The following SYNE2 variants were observed in gnomAD, a reference collection of about 807,000 sequenced individuals.
SYNE2 encodes the protein nesprin-2.
In SYNE2, 431 loss-of-function variants were observed where a neutral mutation model predicts 856.3. That is an observed-to-expected ratio of 0.50 (90% CI 0.47 to 0.55). SYNE2 has a LOEUF of 0.55. Among genes scored for constraint, SYNE2 ranks in the 20% least tolerant of loss-of-function variants. SYNE2 has a pLI of 0.00. For missense variants in SYNE2, 8,129 were observed against 8,023.2 expected (o/e 1.01, Z -0.50); for synonymous variants, 2,923 against 2,872.3 (o/e 1.02, Z -0.56).
chr14:64,166,585 G>A (rs1260440537), intron 90 of SYNE2, among the ~76,000 whole-genome samples: 1 of 152,204 alleles, frequency 6.6e-6, no homozygotes, highest in Non-Finnish European at 1.5e-5. Context: ...TGCTTGACCT[G>A]TTTGTTGAAG....
At chr14:64,103,149 G>T (rs190890195) in intron 64 of SYNE2, among the ~76,000 whole-genome samples, 60 of 152,254 alleles carry the variant, frequency 3.9e-4, no homozygotes, top group Middle Eastern at 6.8e-3. Context: ...GCCTTAATGA[G>T]CACCTGCTTG....
chr14:64,191,463 G>A (rs553188268), intron 99 of SYNE2, among the ~76,000 whole-genome samples: 125 of 152,254 alleles, frequency 8.2e-4, no homozygotes, highest in African/African-American at 3.0e-3. Flanking sequence ...GAGGGATTGC[G>A]GTTACTGGTG....
At position 64,165,223 on chromosome 14, in the gene SYNE2, T is replaced by A. The variant is rs1461745551; in HGVS notation, c.16480-62T>A. ...GAATTTTTAGCAGCTCCCAAGCCTG[T>A]GTTTAATTCTGTTTTATATGTACAT... is the stretch of plus-strand genomic sequence containing the variant. On this transcript the variant is annotated intron_variant, in intron 89 of 115. Transcript: ENST00000555002. The A allele has an allele frequency of 3.9e-6, 6 of 1,556,342 alleles. No homozygotes were observed. In the Admixed American group the frequency reaches 6.7e-5, roughly 17 times the overall value.
intron 2 of SYNE2, among the ~76,000 whole-genome samples, chr14:63,921,953 T>A (rs1028797727): frequency 6.6e-5 from 10 of 152,210 alleles, no homozygotes; most frequent in Non-Finnish European, 1.3e-4. Flanking sequence ...CCACCAGATG[T>A]GAGATCCAGA....
At chr14:63,881,761 G>A (rs1389987774) in intron 1 of SYNE2, among the ~76,000 whole-genome samples, 2 of 151,978 alleles carry the variant, frequency 1.3e-5, no homozygotes, top group Admixed American at 1.3e-4. Context: ...AACACCACTC[G>A]AAGAAACACA....
At position 64,225,765 on chromosome 14, in the gene SYNE2, A is replaced by ATTAGT. The variant is rs924923326; in HGVS notation, c.*244_*248dup. 1.0e-5 allele frequency: 6 copies of ATTAGT among 602,526 alleles called. No homozygotes were observed. The highest frequency in any genetic ancestry group is 7.4e-5 in the African/African-American group (4 of 54,036). 37.3% of individuals were successfully genotyped at this position (602,526 alleles called of 1,614,324 possible). A position where few individuals can be genotyped will look rare whatever the true frequency, so the allele number is the denominator to read the frequency against. ...CCGGGTATTTTGGCAGAACTAGTTG[A>ATTAGT]TTAGTTTAGGGATCTCTGGAAATGT... On this transcript the variant is annotated 3_prime_UTR_variant, in exon 116 of 116. Coordinates refer to ENST00000555002, the MANE Select transcript of SYNE2 (RefSeq NM_182914.3).
At chr14:64,055,337 G>C (rs1237078480) in intron 48 of SYNE2, among the ~76,000 whole-genome samples, 1 of 149,492 alleles carries the variant, frequency 6.7e-6, no homozygotes, top group Non-Finnish European at 1.5e-5. Flanking sequence ...TTTGAATTTA[G>C]ATTATTTTTC....
intron 1 of SYNE2, among the ~76,000 whole-genome samples, chr14:63,867,847 T>C (rs2140312655): frequency 6.6e-6 from 1 of 152,254 alleles, no homozygotes; most frequent in Non-Finnish European, 1.5e-5. Flanking sequence ...CACTTAAATC[T>C]GGGAGTTCAA....
chr14:64,002,102 A>G (rs1365034034), intron 29 of SYNE2, 21 bp downstream of exon 29: 2 of 1,572,088 alleles, frequency 1.3e-6, no homozygotes, highest in Admixed American at 1.7e-5. Flanking sequence ...AAGTTCTCAC[A>G]GTGTATTTAC....
At chr14:63,922,067 G>A (rs991206973) in intron 2 of SYNE2, among the ~76,000 whole-genome samples, 3 of 152,126 alleles carry the variant, frequency 2.0e-5, no homozygotes, top group Non-Finnish European at 2.9e-5. Context: ...ACAGTGGCAC[G>A]ATCACGGCTC....
At chr14:64,063,905 A>G (rs1567192200) in intron 50 of SYNE2, among the ~76,000 whole-genome samples, 1 of 152,198 alleles carries the variant, frequency 6.6e-6, no homozygotes, top group Non-Finnish European at 1.5e-5. Context: ...AACTCTATGT[A>G]TATAATTTTT....
At chr14:64,202,155 C>A (rs780169451) in intron 99 of SYNE2, 2 of 701,780 alleles carry the variant, frequency 2.8e-6, no homozygotes, top group South Asian at 3.0e-5. Flanking sequence ...ACTGCGCTTG[C>A]GTGCAGATTT....
intron 1 of SYNE2, among the ~76,000 whole-genome samples, chr14:63,820,854 A>T (rs1182100633): frequency 6.6e-6 from 1 of 151,206 alleles, no homozygotes; most frequent in African/African-American, 2.4e-5. Flanking sequence ...GGTTCAAGTG[A>T]TTCTCATGCC....
Position 64,051,803 on chromosome 14 carries a change from C to T in SYNE2, c.7890C>T (p.Thr2630=). Reference sequence around the variant, plus strand: ...TAGTGGAATATGATGAATTTACAACCCTCATGAATAAGGTACAGGACACTG... The same window carrying T: ...TAGTGGAATATGATGAATTTACAACTCTCATGAATAAGGTACAGGACACTG... ...QQVVEYDEFT[T]LMNKVQDTEI... The change falls in exon 48 of 116, where the codon ACC becomes ACT. Residue 2630 remains threonine, a synonymous_variant. Coordinates refer to ENST00000555002, the MANE Select transcript of SYNE2 (RefSeq NM_182914.3). The T allele has an allele frequency of 6.2e-7, 1 of 1,614,068 alleles. No homozygotes were observed. Among genetic ancestry groups the T allele is most frequent in the Non-Finnish European group, 8.5e-7 (1 of 1,180,014 alleles).
intron 1 of SYNE2, among the ~76,000 whole-genome samples, chr14:63,781,704 T>C (rs1166333686): frequency 6.6e-6 from 1 of 152,048 alleles, no homozygotes; most frequent in Non-Finnish European, 1.5e-5. Flanking sequence ...ATACTTTTTT[T>C]CTAGCATTTT....
intron 83 of SYNE2, 118 bp downstream of exon 83, chr14:64,144,066 C>A: frequency 8.6e-7 from 1 of 1,165,938 alleles, no homozygotes; most frequent in Non-Finnish European, 1.3e-6. Context: ...ATCATCTCAA[C>A]TATAGCCCTT....
At chr14:64,163,353 G>A (rs1349412464) in intron 88 of SYNE2, 49 bp from the exon 89 acceptor site, 5 of 1,607,218 alleles carry the variant, frequency 3.1e-6, no homozygotes, top group Admixed American at 1.7e-5. Context: ...GTAGGGAATT[G>A]TGGTTTGAAA....
intron 97 of SYNE2, among the ~76,000 whole-genome samples, chr14:64,187,267 G>A (rs933165393): frequency 6.6e-6 from 1 of 152,086 alleles, no homozygotes; most frequent in Admixed American, 6.6e-5. Context: ...TCTCATTTTT[G>A]TGAATTAAGA....
At chr14:63,859,928 C>G (rs971776692) in intron 1 of SYNE2, among the ~76,000 whole-genome samples, 1 of 150,920 alleles carries the variant, frequency 6.6e-6, no homozygotes, top group African/African-American at 2.4e-5. Context: ...CTCTCTCTTT[C>G]TCCCTTCTCC....
Sources: allele counts gnomAD v4.1 joint callset (sites outside exome capture counted in the v4.1 genomes callset), GRCh38; gene constraint gnomAD v4.1.1; transcripts MANE v1.5; gene names NCBI Gene and HGNC (gene_info 2026-07-23, HGNC 2026-07-21).